Variants in CACNB4 observed in about 807,000 individuals in gnomAD.
CACNB4 encodes voltage-dependent L-type calcium channel subunit beta-4.
Under a neutral mutation model 71.2 loss-of-function variants are expected in CACNB4, and 32 were observed. The ratio of observed to expected loss-of-function variants is 0.45; its 90% CI spans 0.34 to 0.60. CACNB4 has a LOEUF of 0.60. Among genes scored for constraint, CACNB4 ranks in the 20% least tolerant of loss-of-function variants. CACNB4 has a pLI of 0.01. For missense variants in CACNB4, 464 were observed against 647.9 expected (o/e 0.72, Z 3.08); for synonymous variants, 231 against 236.9 (o/e 0.97, Z 0.23).
At chr2:152,031,509 T>A (rs1684283094) in intron 2 of CACNB4, among the ~76,000 whole-genome samples, 1 of 152,166 alleles carries the variant, frequency 6.6e-6, no homozygotes, top group South Asian at 2.1e-4. Flanking sequence ...GTGTTATCTG[T>A]ACTGTGGCCC....
intron 2 of CACNB4, among the ~76,000 whole-genome samples, chr2:151,947,948 A>G (rs985609699): frequency 6.6e-6 from 1 of 152,198 alleles, no homozygotes; most frequent in African/African-American, 2.4e-5. Context: ...TGCCGGAGGT[A>G]GGCGAGGGCA....
At chr2:151,958,556 G>C (rs980691919) in intron 2 of CACNB4, among the ~76,000 whole-genome samples, 1 of 152,078 alleles carries the variant, frequency 6.6e-6, no homozygotes, top group South Asian at 2.1e-4. Flanking sequence ...CTGTCCAACC[G>C]GTCAGTCACC....
intron 2 of CACNB4, among the ~76,000 whole-genome samples, chr2:151,916,068 C>A (rs1189425352): frequency 1.5e-5 from 2 of 129,640 alleles, no homozygotes; most frequent in African/African-American, 5.0e-5. Context: ...CCGTGGGTCA[C>A]GCCAGCCCTC....
chr2:152,058,941 G>A (rs1016388424), intron 2 of CACNB4, among the ~76,000 whole-genome samples: 2 of 152,224 alleles, frequency 1.3e-5, no homozygotes, highest in Non-Finnish European at 2.9e-5. Flanking sequence ...GGCTAAAAGG[G>A]GCGAAGGTAC....
At chr2:151,914,198 G>A (rs976593318) in intron 2 of CACNB4, among the ~76,000 whole-genome samples, 1 of 151,890 alleles carries the variant, frequency 6.6e-6, no homozygotes, top group Non-Finnish European at 1.5e-5. Flanking sequence ...ATTCTTGTCT[G>A]CATGTCTTAT....
In CACNB4 at chr2:152,001,402, G is replaced by A. The variant is rs192016593; in HGVS notation, c.147+96928C>T. 1.6e-3 allele frequency among the ~76,000 whole-genome samples: 238 copies of A among 151,794 alleles called. 1 individual carries two copies. The highest frequency in any genetic ancestry group is 0.014 in the Middle Eastern group (4 of 294). ...GGGTAGCGTCCATCAGTTAAAGAAC[G>A]AGTCGGCCAGGCACGGTGGCGCATG... On this transcript the variant is annotated intron_variant, in intron 2 of 13. Transcript: ENST00000539935.
At chr2:151,891,387 T>C (rs1287428316) in intron 2 of CACNB4, among the ~76,000 whole-genome samples, 1 of 152,132 alleles carries the variant, frequency 6.6e-6, no homozygotes, top group Non-Finnish European at 1.5e-5. Flanking sequence ...GAAACTGAGA[T>C]GTGAGCTACA....
intron 2 of CACNB4, among the ~76,000 whole-genome samples, chr2:151,884,494 C>G (rs1340937830): frequency 6.1e-5 from 9 of 148,420 alleles, no homozygotes; most frequent in Non-Finnish European, 1.3e-4. Context: ...ATTAGCCAGG[C>G]GTGGTGGCGG....
At chr2:152,000,603 A>T (rs1051653905) in intron 2 of CACNB4, among the ~76,000 whole-genome samples, 1 of 152,162 alleles carries the variant, frequency 6.6e-6, no homozygotes, top group African/African-American at 2.4e-5. Flanking sequence ...CAGCCCCTCT[A>T]AACCTGTTCC....
chr2:151,848,535 C>T (rs572766147), intron 12 of CACNB4, among the ~76,000 whole-genome samples: 88 of 152,312 alleles, frequency 5.8e-4, no homozygotes, highest in Non-Finnish European at 8.7e-4. Flanking sequence ...CACTATCATT[C>T]GCTCCAGAAT....
At chr2:151,911,875 C>T (rs2099856249) in intron 2 of CACNB4, among the ~76,000 whole-genome samples, 1 of 152,128 alleles carries the variant, frequency 6.6e-6, no homozygotes, top group African/African-American at 2.4e-5. Flanking sequence ...AGGGATTTGA[C>T]CTCTTCCTGG....
At chr2:151,982,632 C>CA (rs1227164462) in intron 2 of CACNB4, among the ~76,000 whole-genome samples, 8,468 of 63,382 alleles carry the variant, frequency 0.13, 1,049 homozygotes, top group African/African-American at 0.37. Flanking sequence ...GACTCCGTCT[C>CA]AAAAAAAAAA....
intron 2 of CACNB4, among the ~76,000 whole-genome samples, chr2:152,017,810 A>C (rs1031288445): frequency 5.3e-5 from 8 of 151,994 alleles, no homozygotes; most frequent in Non-Finnish European, 1.5e-5. Context: ...TTGATCAAAG[A>C]CTGTTTCTTT....
chr2:151,998,423 G>C (rs1682199095), intron 2 of CACNB4, among the ~76,000 whole-genome samples: 1 of 151,824 alleles, frequency 6.6e-6, no homozygotes, highest in South Asian at 2.1e-4. Flanking sequence ...GCAAAACCCA[G>C]TTTTGGTTCC....
Position 152,098,909 on chromosome 2 carries a change from G to C in CACNB4, c.63+40C>G. The C allele has an allele frequency of 7.9e-7, 1 of 1,269,430 alleles. No individual in the cohort carries two copies. 78.6% of individuals were successfully genotyped at this position (1,269,430 alleles called of 1,614,324 possible). ...GGGCGGCGGAGGAGGTGTGAGGAAG[G>C]AAGAGGAGGAAGAGGAGAAGGGGGA... On this transcript the variant is annotated intron_variant, in intron 1 of 13. Transcript: ENST00000539935. The surrounding 1 kb of genome is among the most constrained non-coding windows in gnomAD (Gnocchi z 5.3).
chr2:151,961,792 G>T (rs980470435), intron 2 of CACNB4, among the ~76,000 whole-genome samples: 1 of 152,122 alleles, frequency 6.6e-6, no homozygotes, highest in Non-Finnish European at 1.5e-5. Context: ...TCAAGAGAAT[G>T]AGGTGGGAGG....
chr2:152,021,053 C>G (rs1198849334), intron 2 of CACNB4, among the ~76,000 whole-genome samples: 3 of 152,142 alleles, frequency 2.0e-5, no homozygotes, highest in Non-Finnish European at 4.4e-5. Flanking sequence ...GAGATTGAGA[C>G]CATCCTGGCC....
At chr2:151,985,115 A>G (rs1369583491) in intron 2 of CACNB4, among the ~76,000 whole-genome samples, 1 of 152,216 alleles carries the variant, frequency 6.6e-6, no homozygotes, top group Non-Finnish European at 1.5e-5. Flanking sequence ...GGTATTGCAG[A>G]AAACTTGGAA....
chr2:152,087,401 C>T (rs1560191402), intron 2 of CACNB4, among the ~76,000 whole-genome samples: 1 of 143,434 alleles, frequency 7.0e-6, no homozygotes, highest in Non-Finnish European at 1.5e-5. Flanking sequence ...AACTGCACTC[C>T]AGCCTCGGCA....
Sources: allele counts gnomAD v4.1 joint callset (sites outside exome capture counted in the v4.1 genomes callset), GRCh38; gene constraint gnomAD v4.1.1; non-coding constraint Gnocchi (gnomAD v3.1); transcripts MANE v1.5; gene names NCBI Gene and HGNC (gene_info 2026-07-23, HGNC 2026-07-21).